The following BMP2K variants were observed in gnomAD, a reference collection of about 807,000 sequenced individuals.
BMP2K encodes the protein BMP-2-inducible protein kinase.
BMP2K carries 74 observed loss-of-function variants against 116.0 expected under a neutral mutation model. The ratio of observed to expected loss-of-function variants is 0.64; its 90% CI spans 0.53 to 0.77. The LOEUF is 0.77. Among genes scored for constraint, BMP2K ranks in the 30% least tolerant of loss-of-function variants. The pLI, the probability that BMP2K is intolerant of heterozygous loss-of-function variation, is 0.00. For synonymous variants in BMP2K, 486 were observed against 502.5 expected (o/e 0.97, Z 0.44); for missense variants, 1,365 against 1,403.6 (o/e 0.97, Z 0.44).
At chr4:78,909,291 C>T (rs905118371) in intron 15 of BMP2K, among the ~76,000 whole-genome samples, 2 of 152,052 alleles carry the variant, frequency 1.3e-5, no homozygotes, top group Admixed American at 6.6e-5. Context: ...CCGCCTTGGC[C>T]TCCCAAAGTG....
intron 10 of BMP2K, among the ~76,000 whole-genome samples, chr4:78,867,828 G>A (rs929044447): frequency 2.6e-5 from 4 of 152,330 alleles, no homozygotes; most frequent in Admixed American, 2.0e-4. Context: ...GAGAGGCCGA[G>A]TTGGGTGGAT....
chr4:78,872,830 T>C (rs1732437356), intron 13 of BMP2K, 32 bp downstream of exon 13: 1 of 1,591,566 alleles, frequency 6.3e-7, no homozygotes, highest in Non-Finnish European at 8.6e-7. Flanking sequence ...GCAAAGGAAA[T>C]TATTGTGGAA....
chr4:78,822,599 C>T (rs1729674842), intron 1 of BMP2K, among the ~76,000 whole-genome samples: 1 of 151,972 alleles, frequency 6.6e-6, no homozygotes, highest in Non-Finnish European at 1.5e-5. Flanking sequence ...ATTTTGAGAA[C>T]ATTTAGAATG....
chr4:78,882,927 A>G (rs1198248413), intron 14 of BMP2K, among the ~76,000 whole-genome samples: 2 of 152,088 alleles, frequency 1.3e-5, no homozygotes, highest in Admixed American at 1.3e-4. Flanking sequence ...CCTTCAGTGT[A>G]GAATAACAGA....
chr4:78,797,643 T>C (rs1248743867), intron 1 of BMP2K, among the ~76,000 whole-genome samples: 3 of 152,242 alleles, frequency 2.0e-5, no homozygotes, highest in African/African-American at 4.8e-5. Context: ...GTGTGTCTTA[T>C]CATTTTTATT....
At chr4:78,844,899 CTA>C (rs1730926051) in intron 4 of BMP2K, 27 bp from the exon 5 acceptor site, 5 of 1,541,690 alleles carry the variant, frequency 3.2e-6, no homozygotes, top group Non-Finnish European at 4.5e-6. Context: ...TTTGAAAATA[CTA>C]CTCATTATTG....
rs1361155187 is a variant in BMP2K at position 78,790,147 on chromosome 4, A to G, written c.178+13426A>G. 3.9e-5 allele frequency among the ~76,000 whole-genome samples: 6 copies of G among 152,348 alleles called. 1 individual carries two copies. Among genetic ancestry groups the G allele is most frequent in the Admixed American group, 2.6e-4 (4 of 15,298 alleles). On this transcript the variant is annotated intron_variant, in intron 1 of 15. Transcript: ENST00000502613. ...ATAAAACAGTTTCCTTAAAAATGAC[A>G]TGACATTACTTTTATGATACATTTG... is the stretch of plus-strand genomic sequence containing the variant.
At chr4:78,903,575 G>C (rs1734128606) in intron 15 of BMP2K, among the ~76,000 whole-genome samples, 1 of 151,854 alleles carries the variant, frequency 6.6e-6, no homozygotes, top group Admixed American at 6.6e-5. Context: ...CTATTTTCTA[G>C]ATGAGAAAAC....
At position 78,911,670 on chromosome 4, in the gene BMP2K, C is replaced by G. The variant is rs770818758; in HGVS notation, c.3123C>G (p.Ser1041=). Reference sequence around the variant, plus strand: ...ATGAATTTTTAACCATCTCAGACTCCAAGGAGAACATTAGTGTTGCACTGA... The same window carrying G: ...ATGAATTTTTAACCATCTCAGACTCGAAGGAGAACATTAGTGTTGCACTGA... ...SSNEFLTISD[S]KENISVALTD... Residue 1041 remains serine, a synonymous_variant, in exon 16 of 16, where the codon TCC becomes TCG. Coordinates refer to ENST00000502613, the MANE Select transcript of BMP2K (RefSeq NM_198892.2). 7 of 1,613,886 alleles carry G rather than the reference C, an allele frequency of 4.3e-6. No homozygotes were observed. The South Asian group carries it at 7.7e-5, about 18-fold the overall frequency.
chr4:78,897,196 A>AT (rs139821509), intron 15 of BMP2K, among the ~76,000 whole-genome samples: 26,170 of 151,776 alleles, frequency 0.17, 4,615 homozygotes, highest in African/African-American at 0.45. Flanking sequence ...TGTTTTTTTG[A>AT]TTTTTTTAAG....
In BMP2K at chr4:78,871,011, A is replaced by AG. The variant is rs1177351793; in HGVS notation, c.1460_1461insG (p.His487GlnfsTer77). On this transcript the variant is annotated frameshift_variant, in exon 11 of 16. Coordinates refer to ENST00000502613, the MANE Select transcript of BMP2K (RefSeq NM_198892.2). LOFTEE classifies it high-confidence loss of function. The stretch of plus-strand genomic sequence containing the variant: ...CAGCAGCAGCAGCAGCAGCAGCAGC[A>AG]CCACCACCACCACCACCACCACCTA... 9 of 1,549,212 alleles carry AG rather than the reference A, an allele frequency of 5.8e-6. No individual in the cohort carries two copies. The African/African-American group carries it at 6.8e-5, about 12-fold the overall frequency.
chr4:78,860,864 A>G (rs1461555427), intron 8 of BMP2K, among the ~76,000 whole-genome samples: 2 of 149,140 alleles, frequency 1.3e-5, no homozygotes, highest in Non-Finnish European at 1.5e-5. Flanking sequence ...CTAAAAGTAG[A>G]TAAGTAGACT....
Position 78,783,806 on chromosome 4 carries a change from A to AAAAT in BMP2K, c.178+7108_178+7111dup, listed in dbSNP as rs886454344. On this transcript the variant is annotated intron_variant, in intron 1 of 15. Transcript: ENST00000502613. Reference sequence around the variant, plus strand: ...GGGTGACACAGCAAGACGCTGTCTCAAAATAAATAAATAAATAAATAAATA... The same window carrying AAAAT: ...GGGTGACACAGCAAGACGCTGTCTCAAAATAAATAAATAAATAAATAAATAAATA... Among the ~76,000 whole-genome samples the AAAAT allele has an allele frequency of 6.0e-4, 91 of 151,986 alleles. 1 individual carries two copies. The highest frequency in any genetic ancestry group is 4.6e-3 in the East Asian group (24 of 5,172).
chr4:78,797,541 T>C (rs1432098937), intron 1 of BMP2K, among the ~76,000 whole-genome samples: 2 of 152,156 alleles, frequency 1.3e-5, no homozygotes, highest in African/African-American at 4.8e-5. Context: ...TTCGGTAGTA[T>C]TGGGATTTTG....
At chr4:78,907,966 C>T (rs188591303) in intron 15 of BMP2K, among the ~76,000 whole-genome samples, 94 of 152,254 alleles carry the variant, frequency 6.2e-4, no homozygotes, top group African/African-American at 2.1e-3. Flanking sequence ...ATTTTATTTT[C>T]ATTTTTCCCT....
At chr4:78,846,373 C>G (rs374614227) in intron 5 of BMP2K, among the ~76,000 whole-genome samples, 27 of 151,714 alleles carry the variant, frequency 1.8e-4, no homozygotes, top group African/African-American at 6.0e-4. Flanking sequence ...TATTCAGACT[C>G]TCTCACCAGT....
At chr4:78,833,824 G>A (rs1730327774) in intron 3 of BMP2K, 137 bp downstream of exon 3, 1 of 613,972 alleles carries the variant, frequency 1.6e-6, no homozygotes, top group Non-Finnish European at 2.8e-6. Context: ...TATCTAATTA[G>A]GAATATTGTT....
intron 4 of BMP2K, 115 bp downstream of exon 4, chr4:78,842,642 C>A: frequency 2.3e-6 from 2 of 876,618 alleles, no homozygotes; most frequent in Non-Finnish European, 3.2e-6. Context: ...TCTCTCTCCC[C>A]TTCTACATTT....
At chr4:78,875,479 G>A (rs1254831804) in intron 13 of BMP2K, among the ~76,000 whole-genome samples, 1 of 152,012 alleles carries the variant, frequency 6.6e-6, no homozygotes. Context: ...TCCAATAATA[G>A]TTAAAATAAA....
Sources: allele counts gnomAD v4.1 joint callset (sites outside exome capture counted in the v4.1 genomes callset), GRCh38; gene constraint gnomAD v4.1.1; transcripts MANE v1.5; gene names NCBI Gene and HGNC (gene_info 2026-07-23, HGNC 2026-07-21).